HECW1: variants seen among roughly 807,000 people sequenced by gnomAD.
HECW1 encodes HECT, C2 and WW domain containing E3 ubiquitin protein ligase 1.
A neutral mutation model predicts 182.3 loss-of-function variants in HECW1; 61 were observed. The ratio of observed to expected loss-of-function variants is 0.33; its 90% CI spans 0.27 to 0.41. The LOEUF is 0.41. Ranked by LOEUF, HECW1 falls within the 10% of genes least tolerant of loss-of-function variation. The pLI, the probability that HECW1 is intolerant of heterozygous loss-of-function variation, is 1.00. For synonymous variants in HECW1, 859 were observed against 832.6 expected (o/e 1.03, Z -0.55); for missense variants, 1,739 against 2,108.9 (o/e 0.82, Z 3.44).
chr7:43,301,897 G>A, intron 3 of HECW1, among the ~76,000 whole-genome samples: 1 of 150,666 alleles, frequency 6.6e-6, no homozygotes. Context: ...AAAAGAAGCA[G>A]GAGAATAAAA....
At position 43,285,316 on chromosome 7, in the gene HECW1, G is replaced by A. The variant is rs150831186; in HGVS notation, c.28-26447G>A. On this transcript the variant is annotated intron_variant, in intron 3 of 29. Coordinates refer to ENST00000395891, the MANE Select transcript of HECW1 (RefSeq NM_015052.5). ...ACTGGCCAGTTAAGTCAGAATCCCT[G>A]GAGGCTAGGACCCAGACATCTGCAT... Among the ~76,000 whole-genome samples, 311 of 152,262 alleles carry A rather than the reference G, an allele frequency of 2.0e-3. 1 individual carries two copies. Among genetic ancestry groups the A allele is most frequent in the African/African-American group, 6.8e-3 (283 of 41,556 alleles).
At chr7:43,510,693 G>A (rs1017086310) in intron 24 of HECW1, among the ~76,000 whole-genome samples, 23 of 152,196 alleles carry the variant, frequency 1.5e-4, no homozygotes, top group Admixed American at 2.6e-4. Context: ...TCCAAGTTAG[G>A]GGGTCAGGGA....
At chr7:43,272,337 C>T (rs1344823491) in intron 3 of HECW1, among the ~76,000 whole-genome samples, 1 of 152,062 alleles carries the variant, frequency 6.6e-6, no homozygotes, top group Non-Finnish European at 1.5e-5. Flanking sequence ...ACAAGTGGAA[C>T]CTATTAAACT....
intron 3 of HECW1, among the ~76,000 whole-genome samples, chr7:43,260,974 A>T (rs887654379): frequency 1.3e-5 from 2 of 152,188 alleles, no homozygotes; most frequent in African/African-American, 4.8e-5. Context: ...GGTTGGTACA[A>T]TTTTTGCCCC....
At chr7:43,237,202 G>A (rs967279695) in intron 2 of HECW1, among the ~76,000 whole-genome samples, 2 of 152,196 alleles carry the variant, frequency 1.3e-5, no homozygotes, top group South Asian at 2.1e-4. Flanking sequence ...AAGTGTGACT[G>A]TTTGCCTAAT....
chr7:43,279,484 C>A (rs1803610549), intron 3 of HECW1, among the ~76,000 whole-genome samples: 1 of 152,066 alleles, frequency 6.6e-6, no homozygotes, highest in African/African-American at 2.4e-5. Flanking sequence ...TCATCTAGAG[C>A]CTAACCCGAC....
chr7:43,160,872 G>A (rs1237437880), intron 2 of HECW1, among the ~76,000 whole-genome samples: 1 of 152,014 alleles, frequency 6.6e-6, no homozygotes, highest in Non-Finnish European at 1.5e-5. Flanking sequence ...CGCCCGCTGT[G>A]CTGTGCCTTT....
chr7:43,511,367 TGAC>T (rs1356291792), intron 24 of HECW1: 5 of 152,266 alleles, frequency 3.3e-5, no homozygotes, highest in Admixed American at 3.3e-4. Context: ...TGGATGCTGC[TGAC>T]TTGTGATGAA....
chr7:43,456,523 A>T, intron 13 of HECW1, 76 bp downstream of exon 13: 1 of 1,439,346 alleles, frequency 6.9e-7, no homozygotes, highest in Non-Finnish European at 9.5e-7. Context: ...CTCCCCTTAC[A>T]CTTTTCTGCT....
At chr7:43,376,983 A>G (rs2074357803) in intron 6 of HECW1, among the ~76,000 whole-genome samples, 1 of 152,214 alleles carries the variant, frequency 6.6e-6, no homozygotes, top group Non-Finnish European at 1.5e-5. Context: ...CTTCAGGTAA[A>G]AGTCTTGAGA....
At chr7:43,252,691 G>T (rs572412691) in intron 3 of HECW1, among the ~76,000 whole-genome samples, 29 of 152,212 alleles carry the variant, frequency 1.9e-4, no homozygotes, top group African/African-American at 7.0e-4. Flanking sequence ...CCTTCATCAT[G>T]GATAGTTACA....
intron 3 of HECW1, among the ~76,000 whole-genome samples, chr7:43,273,755 TAAAAA>T (rs1458309086): frequency 6.6e-6 from 1 of 151,858 alleles, no homozygotes; most frequent in East Asian, 1.9e-4. Context: ...ATAAGCAAAA[TAAAAA>T]GATAAGCAAA....
intron 29 of HECW1, among the ~76,000 whole-genome samples, chr7:43,556,290 A>G (rs1227816006): frequency 6.6e-6 from 1 of 152,208 alleles, no homozygotes; most frequent in Non-Finnish European, 1.5e-5. Context: ...GGGGAATGGC[A>G]GCACGTGTTC....
Position 43,137,162 on chromosome 7 carries a change from A to G in HECW1, c.-32+22771A>G, listed in dbSNP as rs1422468444. On this transcript the variant is annotated intron_variant, in intron 2 of 29. Transcript: ENST00000395891. ...GTCACAAGTGTGTGGGGTGGGTTCA[A>G]TCGCTTCATGTCTGAATCACCGAAG... Among the ~76,000 whole-genome samples the G allele has an allele frequency of 5.3e-5, 8 of 152,084 alleles. No individual in the cohort carries two copies. In the South Asian group the frequency reaches 8.3e-4, roughly 16 times the overall value.
At chr7:43,539,009 A>T (rs1057422525) in intron 24 of HECW1, among the ~76,000 whole-genome samples, 2 of 152,192 alleles carry the variant, frequency 1.3e-5, no homozygotes, top group Non-Finnish European at 1.5e-5. Context: ...GATATTTTCA[A>T]GTAACTTTCC....
chr7:43,303,996 G>A (rs1422946673), intron 3 of HECW1, among the ~76,000 whole-genome samples: 1 of 152,228 alleles, frequency 6.6e-6, no homozygotes, highest in African/African-American at 2.4e-5. Flanking sequence ...AGGTGATGAA[G>A]GCAATTCCCA....
chr7:43,398,209 A>G (rs1484018228), intron 7 of HECW1, among the ~76,000 whole-genome samples: 1 of 152,174 alleles, frequency 6.6e-6, no homozygotes, highest in Admixed American at 6.5e-5. Context: ...GTGAGCCGAG[A>G]TTGCACCACT....
At position 43,286,204 on chromosome 7, in the gene HECW1, G is replaced by A. The variant is rs184768537; in HGVS notation, c.28-25559G>A. On this transcript the variant is annotated intron_variant, in intron 3 of 29. Transcript: ENST00000395891. ...GAAATGAATTGAACAGAGAGATGAT[G>A]AGAAATCAGCACAGTCCAAACAGAC... Among the ~76,000 whole-genome samples the A allele has an allele frequency of 6.9e-3, 1,053 of 152,312 alleles. 8 individuals are homozygous for A. Among genetic ancestry groups the A allele is most frequent in the Admixed American group, 0.012 (189 of 15,298 alleles).
chr7:43,477,370 A>G (rs1302083647), intron 16 of HECW1, among the ~76,000 whole-genome samples: 2 of 152,222 alleles, frequency 1.3e-5, no homozygotes, highest in Non-Finnish European at 2.9e-5. Context: ...TAAGGAACCT[A>G]TTTAATTTAA....
Sources: gnomAD v4.1 joint callset for allele counts (sites outside exome capture counted in the v4.1 genomes callset) on GRCh38, gnomAD v4.1.1 for gene constraint, MANE v1.5 for transcripts, NCBI Gene and HGNC (gene_info 2026-07-23, HGNC 2026-07-21) for gene names.